Variants in LUZP2 observed in about 807,000 individuals in gnomAD.
The protein encoded by LUZP2 is leucine zipper protein 2.
LUZP2 carries 52 observed loss-of-function variants against 51.6 expected under a neutral mutation model. The observed-to-expected ratio is 1.01, with a 90% CI of 0.81 to 1.27. The LOEUF (loss-of-function observed/expected upper bound fraction) is 1.27. Among genes scored for constraint, LUZP2 ranks in the 50% most tolerant of loss-of-function variants. The pLI is 0.00. For missense variants in LUZP2, 436 were observed against 395.4 expected (o/e 1.10, Z -0.87); for synonymous variants, 154 against 137.3 (o/e 1.12, Z -0.85).
chr11:24,943,877 CAAAAAAAAA>C (rs33998362), intron 7 of LUZP2, among the ~76,000 whole-genome samples: 1 of 103,366 alleles, frequency 9.7e-6, no homozygotes, highest in Non-Finnish European at 2.1e-5. Context: ...GACTCCATCT[CAAAAAAAAA>C]AAAAAAAAAA....
At chr11:24,701,540 A>G (rs1193342783) in intron 1 of LUZP2, 1 of 158,026 alleles carries the variant, frequency 6.3e-6, no homozygotes, top group Non-Finnish European at 1.5e-5. Context: ...CCAGCGTCTG[A>G]TGAAGCCCGA....
intron 10 of LUZP2, among the ~76,000 whole-genome samples, chr11:25,057,266 T>G (rs897267572): frequency 6.6e-6 from 1 of 152,162 alleles, no homozygotes; most frequent in Non-Finnish European, 1.5e-5. Flanking sequence ...AAAACATGCT[T>G]ATTTTTAGAT....
chr11:24,876,384 G>C (rs1472973705), intron 5 of LUZP2, among the ~76,000 whole-genome samples: 1 of 149,986 alleles, frequency 6.7e-6, no homozygotes, highest in Non-Finnish European at 1.5e-5. Context: ...TTTTTCTCAG[G>C]TTTGTCAAAG....
In LUZP2 at chr11:24,769,082, T is replaced by G. The variant is rs138597271; in HGVS notation, c.396+5774T>G. Among the ~76,000 whole-genome samples, 27 of 152,328 alleles carry G rather than the reference T, an allele frequency of 1.8e-4. 1 individual carries two copies. In the East Asian group the frequency reaches 5.0e-3, roughly 28 times the overall value. Reference sequence around the variant, plus strand: ...AAAAAGAATGAAATCCTGTCATTTGTGCAAACATGGATGAACCTAGAGGAC... The same window carrying G: ...AAAAAGAATGAAATCCTGTCATTTGGGCAAACATGGATGAACCTAGAGGAC... On this transcript the variant is annotated intron_variant, in intron 5 of 11. Transcript: ENST00000336930.
chr11:24,774,479 A>AAT (rs1280466012), intron 5 of LUZP2, among the ~76,000 whole-genome samples: 1 of 129,472 alleles, frequency 7.7e-6, no homozygotes, highest in Non-Finnish European at 1.6e-5. Flanking sequence ...CTGTAGAGAG[A>AAT]ATATATATAT....
intron 9 of LUZP2, among the ~76,000 whole-genome samples, chr11:25,012,932 G>A (rs145927620): frequency 9.2e-4 from 140 of 152,266 alleles, no homozygotes; most frequent in African/African-American, 3.1e-3. Flanking sequence ...AGATATTTAT[G>A]CAGCACTCTT....
chr11:24,604,880 A>T (rs1408866979), intron 1 of LUZP2, among the ~76,000 whole-genome samples: 1 of 151,840 alleles, frequency 6.6e-6, no homozygotes, highest in Non-Finnish European at 1.5e-5. Context: ...TTGGTGTGCT[A>T]TGTCTAATAT....
At chr11:24,869,972 A>C (rs1852010284) in intron 5 of LUZP2, among the ~76,000 whole-genome samples, 1 of 152,142 alleles carries the variant, frequency 6.6e-6, no homozygotes, top group African/African-American at 2.4e-5. Flanking sequence ...GTAAAGGCAA[A>C]GCTCTTCTAA....
At chr11:24,680,667 T>C (rs1350999544) in intron 1 of LUZP2, among the ~76,000 whole-genome samples, 2 of 152,114 alleles carry the variant, frequency 1.3e-5, no homozygotes, top group Non-Finnish European at 2.9e-5. Flanking sequence ...GTAATAACAG[T>C]CCTTTATGTT....
intron 7 of LUZP2, among the ~76,000 whole-genome samples, chr11:24,973,363 A>C (rs112810824): frequency 6.2e-5 from 1 of 16,008 alleles, no homozygotes; most frequent in Admixed American, 1.2e-3. Context: ...TATATTTATT[A>C]GTTTTTTTTT....
chr11:24,866,078 A>T lies in LUZP2; in HGVS notation c.397-39913A>T, dbSNP rs113333925. On this transcript the variant is annotated intron_variant, in intron 5 of 11. Transcript: ENST00000336930. Reference sequence around the variant, plus strand: ...TTCACCTCAGCCTCCCAAAGTGCTGAGATTACAGGCGTGAGTCTCCCGGCC... The same window carrying T: ...TTCACCTCAGCCTCCCAAAGTGCTGTGATTACAGGCGTGAGTCTCCCGGCC... Among the ~76,000 whole-genome samples, 721 of 151,372 alleles carry T rather than the reference A, an allele frequency of 4.8e-3. 8 individuals carry two copies. The highest frequency in any genetic ancestry group is 0.017 in the African/African-American group (683 of 41,112).
chr11:24,894,997 A>G (rs1852990875), intron 5 of LUZP2, among the ~76,000 whole-genome samples: 1 of 152,164 alleles, frequency 6.6e-6, no homozygotes, highest in Non-Finnish European at 1.5e-5. Flanking sequence ...GGAAAAAATA[A>G]CCAATCTAAC....
intron 5 of LUZP2, among the ~76,000 whole-genome samples, chr11:24,902,451 G>A (rs764947287): frequency 1.3e-5 from 2 of 152,122 alleles, no homozygotes; most frequent in Non-Finnish European, 2.9e-5. Flanking sequence ...TATTATCGTA[G>A]CATTAATCTT....
chr11:24,527,632 G>A (rs1850853667), intron 1 of LUZP2, among the ~76,000 whole-genome samples: 1 of 149,362 alleles, frequency 6.7e-6, no homozygotes, highest in Admixed American at 6.7e-5. Context: ...AAATTTCTTT[G>A]TGTTCTTTCA....
chr11:24,991,529 A>T (rs1856344303), intron 9 of LUZP2, among the ~76,000 whole-genome samples: 1 of 151,354 alleles, frequency 6.6e-6, no homozygotes, highest in South Asian at 2.1e-4. Context: ...TTCTATAAAT[A>T]TGCGTGTGTA....
At chr11:24,838,036 A>G (rs1375921417) in intron 5 of LUZP2, among the ~76,000 whole-genome samples, 2 of 151,638 alleles carry the variant, frequency 1.3e-5, no homozygotes, top group Non-Finnish European at 3.0e-5. Context: ...TTCATATTCT[A>G]CAACTCTATT....
chr11:24,590,547 CAGAT>C (rs1359661158), intron 1 of LUZP2, among the ~76,000 whole-genome samples: 1 of 152,118 alleles, frequency 6.6e-6, no homozygotes, highest in East Asian at 1.9e-4. Context: ...TTTAGAGAAA[CAGAT>C]AAAGTATAAT....
intron 1 of LUZP2, among the ~76,000 whole-genome samples, chr11:24,567,163 A>G (rs77957935): frequency 0.014 from 2,153 of 151,446 alleles, 40 homozygotes; most frequent in South Asian, 0.059. Flanking sequence ...TTTAAGACAC[A>G]TGGCAATTTT....
chr11:24,506,782 T>A (rs1277456735), intron 1 of LUZP2, among the ~76,000 whole-genome samples: 1 of 152,066 alleles, frequency 6.6e-6, no homozygotes, highest in Admixed American at 6.6e-5. Context: ...ACTCATTAAA[T>A]GACTATCCCA....
Sources: gnomAD v4.1 joint callset for allele counts (sites outside exome capture counted in the v4.1 genomes callset) on GRCh38, gnomAD v4.1.1 for gene constraint, MANE v1.5 for transcripts, NCBI Gene and HGNC (gene_info 2026-07-23, HGNC 2026-07-21) for gene names.